Variants in MYOM1 observed in about 807,000 individuals in gnomAD.
MYOM1 encodes the protein myomesin 1, also known as myomesin-1.
In MYOM1, 164 loss-of-function variants were observed where a neutral mutation model predicts 205.3. That is an observed-to-expected ratio of 0.80 (90% CI 0.70 to 0.91). The LOEUF (loss-of-function observed/expected upper bound fraction) is 0.91, where lower values mean the gene tolerates loss of function less well. Among genes scored for constraint, MYOM1 ranks in the 40% least tolerant of loss-of-function variants. The probability of loss-of-function intolerance (pLI) is 0.00; values close to 1 mark genes in which losing one functional copy is unlikely to be tolerated. For synonymous variants in MYOM1, 772 were observed against 789.4 expected (o/e 0.98, Z 0.37); for missense variants, 2,011 against 2,127.3 (o/e 0.95, Z 1.08).
At chr18:3,229,645 T>C in the MYOM1 span, among the ~76,000 whole-genome samples, 3 of 152,168 alleles carry the variant, frequency 2.0e-5, no homozygotes, top group East Asian at 3.8e-4. Flanking sequence ...ATTGGAATGG[T>C]TAATTTTAAT....
rs149978745 is a variant in MYOM1 at position 3,217,761 on chromosome 18, T to C, written c.-29+2042A>G. 8.3e-3 allele frequency among the ~76,000 whole-genome samples: 1,256 copies of C among 152,184 alleles called. 10 individuals carry two copies. Among genetic ancestry groups the C allele is most frequent in the Middle Eastern group, 0.037 (11 of 294 alleles). ...ACTTTGAGAGGCCAAGGCAGGAGGA[T>C]TTCCTGAGCCCAGGAGTTTGAGACC... On this transcript the variant is annotated intron_variant, in intron 1 of 37. Transcript: ENST00000356443.
the MYOM1 span, among the ~76,000 whole-genome samples, chr18:3,225,057 A>G: frequency 6.6e-6 from 1 of 151,836 alleles, no homozygotes; most frequent in East Asian, 1.9e-4. Context: ...GCGCCATCTC[A>G]GCTCACTGCA....
chr18:3,182,462 C>T (rs1389015530), intron 5 of MYOM1, among the ~76,000 whole-genome samples: 1 of 152,176 alleles, frequency 6.6e-6, no homozygotes, highest in Non-Finnish European at 1.5e-5. Context: ...ACAATTAACA[C>T]TATTCTCTCC....
At chr18:3,228,820 T>C in the MYOM1 span, among the ~76,000 whole-genome samples, 8 of 152,202 alleles carry the variant, frequency 5.3e-5, no homozygotes, top group African/African-American at 1.9e-4. This position sits in a 1 kb window ranked among gnomAD's most constrained non-coding sequence, Gnocchi z 4.5. Context: ...TTCAGCTTTT[T>C]CTAGAAATTT....
chr18:3,199,784 G>A (rs1427415050), intron 2 of MYOM1, among the ~76,000 whole-genome samples: 2 of 151,854 alleles, frequency 1.3e-5, no homozygotes, highest in East Asian at 1.9e-4. Flanking sequence ...AGGTTGCAGC[G>A]AGCTGAGATC....
rs7505167 is a variant in MYOM1 at position 3,126,634 on chromosome 18, C to T, written c.2991+67G>A. On this transcript the variant is annotated intron_variant, in intron 19 of 37. Transcript: ENST00000356443. The stretch of plus-strand genomic sequence containing the variant: ...CTCTTACAAGGTGCTGGGTGTGTGC[C>T]TGCCTGGGCGTGCAAGCATAGCGTC... 0.72 allele frequency: 1,033,958 copies of T among 1,441,132 alleles called. 373,951 individuals are homozygous for T. Among genetic ancestry groups the T allele is most frequent in the East Asian group, 0.92 (39,467 of 42,854 alleles). 89.3% of individuals were successfully genotyped at this position (1,441,132 alleles called of 1,614,324 possible).
chr18:3,240,981 A>G, the MYOM1 span, among the ~76,000 whole-genome samples: 1 of 152,170 alleles, frequency 6.6e-6, no homozygotes, highest in African/African-American at 2.4e-5. Flanking sequence ...GAGAGAGATG[A>G]TTTAGGGTAT....
At chr18:3,100,538 T>C in intron 23 of MYOM1, 112 bp from the exon 24 acceptor site, 3 of 733,416 alleles carry the variant, frequency 4.1e-6, no homozygotes. Flanking sequence ...GGACACCTCC[T>C]CTCATCTTGC....
At chr18:3,098,111 G>A in intron 25 of MYOM1, among the ~76,000 whole-genome samples, 1 of 152,164 alleles carries the variant, frequency 6.6e-6, no homozygotes, top group Non-Finnish European at 1.5e-5. Context: ...CAATGTTCGA[G>A]AGTAGAAAGT....
chr18:3,196,903 T>C (rs537363802), intron 2 of MYOM1, among the ~76,000 whole-genome samples: 6 of 152,278 alleles, frequency 3.9e-5, no homozygotes, highest in African/African-American at 1.4e-4. Context: ...TTGTTCAACT[T>C]CGTAACAGGA....
chr18:3,151,824 G>C lies in MYOM1; in HGVS notation c.1713C>G (p.Val571=). Residue 571 remains valine, a synonymous_variant, in exon 12 of 38, where the codon GTC becomes GTG. Transcript: ENST00000356443. ...AGGAACGACCTTCGATCAATCCAGT[G>C]ACAGGAAAACGAGCAAACTTCACAG... ...DTPVKFARFP[V]TGLIEGRSYI... The C allele has an allele frequency of 5.0e-6, 8 of 1,613,850 alleles. No homozygotes were observed. The highest frequency in any genetic ancestry group is 6.8e-6 in the Non-Finnish European group (8 of 1,179,788).
Position 3,179,500 on chromosome 18 carries a change from C to T in MYOM1, c.930-3366G>A, listed in dbSNP as rs2080698635. Among the ~76,000 whole-genome samples, 2 of 152,168 alleles carry T rather than the reference C, an allele frequency of 1.3e-5. No individual in the cohort carries two copies. On this transcript the variant is annotated intron_variant, in intron 5 of 37. Coordinates refer to ENST00000356443, the MANE Select transcript of MYOM1 (RefSeq NM_003803.4). The surrounding 1 kb of genome is among the most constrained non-coding windows in gnomAD (Gnocchi z 4.4). ...CACACGAAGAAAGTAAGTTGACAGTCTCAGTTCCCTCAGATGTGAAATGGA... is the reference window on the plus strand; with the variant it reads ...CACACGAAGAAAGTAAGTTGACAGTTTCAGTTCCCTCAGATGTGAAATGGA...
At chr18:3,103,329 G>A (rs2079406664) in intron 22 of MYOM1, among the ~76,000 whole-genome samples, 1 of 152,178 alleles carries the variant, frequency 6.6e-6, no homozygotes, top group South Asian at 2.1e-4. Flanking sequence ...ATGGAAATGA[G>A]TTTCAAGAGA....
chr18:3,183,558 G>A (rs964529673), intron 5 of MYOM1, among the ~76,000 whole-genome samples: 7 of 152,150 alleles, frequency 4.6e-5, no homozygotes, highest in African/African-American at 9.7e-5. Context: ...AGACAGGCCC[G>A]CCACACGTGC....
Position 3,152,548 on chromosome 18 carries a change from C to T in MYOM1, c.1644-655G>A, listed in dbSNP as rs2080236612. Among the ~76,000 whole-genome samples the T allele has an allele frequency of 6.6e-6, 1 of 152,158 alleles. No individual in the cohort carries two copies. Among genetic ancestry groups the T allele is most frequent in the Non-Finnish European group, 1.5e-5 (1 of 68,032 alleles). Reference sequence around the variant, plus strand: ...GATTTCTAATTGAGTGCTTTTACAGCAGTTGGTACCTGGGGATGGAGTGGG... The same window carrying T: ...GATTTCTAATTGAGTGCTTTTACAGTAGTTGGTACCTGGGGATGGAGTGGG... On this transcript the variant is annotated intron_variant, in intron 11 of 37. Transcript: ENST00000356443. The surrounding 1 kb of genome is among the most constrained non-coding windows in gnomAD (Gnocchi z 4.3).
At chr18:3,132,560 C>G (rs1232008163) in intron 16 of MYOM1, among the ~76,000 whole-genome samples, 1 of 152,020 alleles carries the variant, frequency 6.6e-6, no homozygotes, top group Non-Finnish European at 1.5e-5. Context: ...TTTCATCACC[C>G]AGGTATTAAG....
At chr18:3,199,832 T>A (rs975551148) in intron 2 of MYOM1, among the ~76,000 whole-genome samples, 1 of 150,454 alleles carries the variant, frequency 6.6e-6, no homozygotes, top group African/African-American at 2.5e-5. Context: ...AGAGTGAGAC[T>A]CCGTCTCAAA....
chr18:3,226,405 A>G, the MYOM1 span, among the ~76,000 whole-genome samples: 1 of 151,954 alleles, frequency 6.6e-6, no homozygotes, highest in Non-Finnish European at 1.5e-5. The surrounding 1 kb of genome is among the most constrained non-coding windows in gnomAD (Gnocchi z 4.6). Context: ...TCTTCACCCT[A>G]TGAGCCTCCA....
At chr18:3,086,251 G>T in intron 29 of MYOM1, 100 bp from the exon 30 acceptor site, 1 of 578,852 alleles carries the variant, frequency 1.7e-6, no homozygotes, top group Non-Finnish European at 2.9e-6. Flanking sequence ...AAAAAGCACT[G>T]AACGTGGAGT....
Sources: allele counts gnomAD v4.1 joint callset (sites outside exome capture counted in the v4.1 genomes callset), GRCh38; gene constraint gnomAD v4.1.1; non-coding constraint Gnocchi (gnomAD v3.1); transcripts MANE v1.5; gene names NCBI Gene and HGNC (gene_info 2026-07-23, HGNC 2026-07-21).